SEC14L5: variants seen among roughly 807,000 people sequenced by gnomAD.
SEC14L5 encodes SEC14 like lipid binding 5.
Under a neutral mutation model 84.6 loss-of-function variants are expected in SEC14L5, and 96 were observed. The ratio of observed to expected loss-of-function variants is 1.13; its 90% CI spans 0.96 to 1.34. The LOEUF is 1.34. Among genes scored for constraint, SEC14L5 ranks in the 40% most tolerant of loss-of-function variants. The pLI, the probability that SEC14L5 is intolerant of heterozygous loss-of-function variation, is 0.00. For missense variants in SEC14L5, 1,224 were observed against 942.5 expected, an observed-to-expected ratio of 1.30 and a Z score of -3.91; for synonymous variants, 546 against 383.4, an observed-to-expected ratio of 1.42 and a Z score of -4.95.
intron 2 of SEC14L5, among the ~76,000 whole-genome samples, 163 bp from the exon 3 acceptor site, chr16:4,987,394 G>T (rs1478052383): frequency 1.3e-5 from 2 of 152,014 alleles, no homozygotes; most frequent in Admixed American, 6.6e-5. Flanking sequence ...GGTGCTAGCT[G>T]GTGGAACGAT....
intron 2 of SEC14L5, among the ~76,000 whole-genome samples, chr16:4,976,754 G>A (rs1003355940): frequency 6.6e-6 from 1 of 152,206 alleles, no homozygotes. Flanking sequence ...GAGCAGGCAG[G>A]CTTGGATGTC....
Position 5,011,220 on chromosome 16 carries a change from G to A in SEC14L5, c.1926G>A (p.Gly642=), listed in dbSNP as rs1374391475. ...DDVLTALHSP[G]PKCKLLYYCE... ...TCCTGACGGCTCTGCACAGCCCCGG[G>A]CCCAAGTGCAAACTTCTCTACTACT... The change falls in exon 15 of 16, where the codon GGG becomes GGA. Residue 642 remains glycine (G), a synonymous_variant. Coordinates refer to ENST00000251170, the MANE Select transcript of SEC14L5 (RefSeq NM_014692.2). 1.2e-6 allele frequency: 2 copies of A among 1,613,872 alleles called. No individual in the cohort carries two copies. The highest frequency in any genetic ancestry group is 1.6e-4 in the Middle Eastern group (1 of 6,062).
intron 8 of SEC14L5, among the ~76,000 whole-genome samples, chr16:4,997,360 A>G (rs1006604956): frequency 1.1e-4 from 16 of 152,216 alleles, no homozygotes. Flanking sequence ...TTAGACTCCC[A>G]AAGTGTTGGG....
intron 2 of SEC14L5, among the ~76,000 whole-genome samples, chr16:4,985,022 A>G (rs12596115): frequency 0.11 from 16,577 of 151,972 alleles, 1,673 homozygotes; most frequent in East Asian, 0.51. Flanking sequence ...TTACCTTTTC[A>G]CTTTCTTGCT....
chr16:5,004,524 C>T (rs573638773), intron 11 of SEC14L5, among the ~76,000 whole-genome samples: 12 of 152,176 alleles, frequency 7.9e-5, no homozygotes, highest in African/African-American at 2.4e-4. Context: ...TGCAGTAAGC[C>T]TGGCCACCCC....
intron 2 of SEC14L5, among the ~76,000 whole-genome samples, chr16:4,975,315 A>G (rs1955327104): frequency 1.3e-5 from 2 of 151,850 alleles, no homozygotes; most frequent in African/African-American, 4.8e-5. Context: ...CACTAAAAGT[A>G]CAAAAAAATT....
At chr16:4,994,911 C>G (rs1447424616) in intron 6 of SEC14L5, among the ~76,000 whole-genome samples, 1 of 152,166 alleles carries the variant, frequency 6.6e-6, no homozygotes, top group African/African-American at 2.4e-5. Context: ...AAAAAGCCTT[C>G]ACATCTGCCC....
intron 2 of SEC14L5, among the ~76,000 whole-genome samples, chr16:4,967,798 C>G (rs1596613825): frequency 6.6e-6 from 1 of 150,376 alleles, no homozygotes; most frequent in African/African-American, 2.4e-5. Context: ...GTCTCCAACT[C>G]CTGACCTCAA....
chr16:5,014,409 G>A (rs978825479), intron 15 of SEC14L5, among the ~76,000 whole-genome samples: 2 of 152,232 alleles, frequency 1.3e-5, no homozygotes, highest in Non-Finnish European at 2.9e-5. Flanking sequence ...AGTTCTCGAG[G>A]ATGGCGCTGC....
In SEC14L5 at chr16:4,988,140, C is replaced by G. The variant is rs773430817; in HGVS notation, c.214-9C>G. On this transcript the variant is annotated splice_polypyrimidine_tract_variant and intron_variant, in intron 3 of 15. Coordinates refer to ENST00000251170, the MANE Select transcript of SEC14L5 (RefSeq NM_014692.2). Reference sequence around the variant, plus strand: ...ACCCACCTCCGCCTCCCCGCCCCTTCCCTTGCAGATCGCAGGTGTTGAGCA... The same window carrying G: ...ACCCACCTCCGCCTCCCCGCCCCTTGCCTTGCAGATCGCAGGTGTTGAGCA... 1.9e-6 allele frequency: 3 copies of G among 1,563,266 alleles called. No individual in the cohort carries two copies. The highest frequency in any genetic ancestry group is 2.2e-5 in the South Asian group (2 of 90,392).
At chr16:5,011,333 C>T (rs530872337) in intron 15 of SEC14L5, 60 bp downstream of exon 15, 2 of 1,526,050 alleles carry the variant, frequency 1.3e-6, no homozygotes, top group South Asian at 1.2e-5. Context: ...ATTGACAATG[C>T]AGATGCCTGG....
Position 4,996,852 on chromosome 16 carries a change from C to T in SEC14L5, c.781-3C>T. On this transcript the variant is annotated splice_region_variant and splice_polypyrimidine_tract_variant and intron_variant, in intron 7 of 15. Coordinates refer to ENST00000251170, the MANE Select transcript of SEC14L5 (RefSeq NM_014692.2). ...GTGGGCTTTTTACTTCTTTGTCTCT[C>T]AGATTCCCAAAGATGAGCACATCCT... 6.2e-7 allele frequency: 1 copy of T among 1,607,036 alleles called. No homozygotes were observed. The highest frequency in any genetic ancestry group is 8.5e-7 in the Non-Finnish European group (1 of 1,176,762).
chr16:4,966,394 C>T (rs930768840), intron 2 of SEC14L5, among the ~76,000 whole-genome samples: 50 of 148,984 alleles, frequency 3.4e-4, no homozygotes, highest in African/African-American at 1.2e-3. Flanking sequence ...CTGCCTCAGC[C>T]TCCTGAGTAG....
chr16:5,011,342 G>T, intron 15 of SEC14L5, 69 bp downstream of exon 15: 1 of 1,492,486 alleles, frequency 6.7e-7, no homozygotes, highest in East Asian at 2.3e-5. Context: ...GCAGATGCCT[G>T]GCCTCCTGTC....
Position 5,015,246 on chromosome 16 carries a change from G to T in SEC14L5, c.*276G>T. The T allele has an allele frequency of 2.4e-6, 1 of 423,506 alleles. No individual in the cohort carries two copies. Among genetic ancestry groups the T allele is most frequent in the South Asian group, 4.3e-5 (1 of 23,432 alleles). 26.2% of individuals were successfully genotyped at this position (423,506 alleles called of 1,614,324 possible). A position where few individuals can be genotyped will look rare whatever the true frequency, so the allele number is the denominator to read the frequency against. On this transcript the variant is annotated 3_prime_UTR_variant, in exon 16 of 16. Coordinates refer to ENST00000251170, the MANE Select transcript of SEC14L5 (RefSeq NM_014692.2). ...AAGGTGTCTACCATACCACACCTTT[G>T]GGACATCCGGGCTTAGCGACGTCAG...
intron 2 of SEC14L5, among the ~76,000 whole-genome samples, chr16:4,975,527 A>G (rs1955329926): frequency 6.7e-6 from 1 of 150,284 alleles, no homozygotes; most frequent in African/African-American, 2.4e-5. Flanking sequence ...GCTGAGTAGT[A>G]TTCCGTGGTG....
At chr16:4,977,446 C>CAAAAAAAAAAAAAAAAAA (rs762657125) in intron 2 of SEC14L5, among the ~76,000 whole-genome samples, 7 of 66,142 alleles carry the variant, frequency 1.1e-4, no homozygotes, top group Non-Finnish European at 1.3e-4. Flanking sequence ...GACTCCGTCT[C>CAAAAAAAAAAAAAAAAAA]AAAAAAAAAA....
rs1317115221 is a variant in SEC14L5, at chr16:5,003,568, A to T, written c.1297A>T (p.Thr433Ser). Residue 433 changes from threonine (T) to serine (S), a missense_variant, in exon 11 of 16, where the codon ACA (threonine) becomes TCA (serine). Physicochemically the swap from Thr to Ser is moderately conservative, Grantham distance 58. Coordinates refer to ENST00000251170, the MANE Select transcript of SEC14L5 (RefSeq NM_014692.2). The part of the protein sequence containing the change: ...RAPRVFPVLW[T>S]LISPFINENT... ...CCCCCGAGTCTTCCCCGTGCTCTGG[A>T]CACTGGTAAGAGCTGGAGCCTGGGC... 2 of 1,340,034 alleles carry T rather than the reference A, an allele frequency of 1.5e-6. No individual in the cohort carries two copies. Among genetic ancestry groups the T allele is most frequent in the Non-Finnish European group, 2.0e-6 (2 of 1,013,412 alleles). The allele number at this position is 1,340,034 out of a possible 1,614,324, so 83.0% of individuals were successfully genotyped here.
chr16:4,998,919 GTA>G, intron 8 of SEC14L5, among the ~76,000 whole-genome samples: 2 of 152,194 alleles, frequency 1.3e-5, no homozygotes, highest in Middle Eastern at 6.8e-3. Context: ...CCCCAAATCA[GTA>G]TTCACAGAAC....
Sources: allele counts gnomAD v4.1 joint callset (sites outside exome capture counted in the v4.1 genomes callset), GRCh38; gene constraint gnomAD v4.1.1; transcripts MANE v1.5; gene names NCBI Gene and HGNC (gene_info 2026-07-23, HGNC 2026-07-21).